SNX9: variants seen among roughly 807,000 people sequenced by gnomAD.
The protein encoded by SNX9 is sorting nexin-9.
Under a neutral mutation model 89.4 loss-of-function variants are expected in SNX9, and 44 were observed. The ratio of observed to expected loss-of-function variants is 0.49; its 90% confidence interval spans 0.39 to 0.63. SNX9 has a LOEUF of 0.63. Ranked by LOEUF, SNX9 falls within the 30% of genes least tolerant of loss-of-function variation. The probability of loss-of-function intolerance (pLI) is 0.00; values close to 1 mark genes in which losing one functional copy is unlikely to be tolerated. For missense variants in SNX9, 578 were observed against 736.1 expected (o/e 0.79, Z 2.49); for synonymous variants, 236 against 247.8 (o/e 0.95, Z 0.45).
chr6:157,896,970 C>T lies in SNX9; in HGVS notation c.444C>T (p.Phe148=), dbSNP rs144271439. ...TNTPNNWDTA[F]GHPQAYQGPA... ...CTCCCAACAACTGGGACACTGCCTTCGGCCACCCCCAGGCCTACCAAGGAC... is the reference window on the plus strand; with the variant it reads ...CTCCCAACAACTGGGACACTGCCTTTGGCCACCCCCAGGCCTACCAAGGAC... Residue 148 remains phenylalanine, a synonymous_variant, in exon 5 of 18, where the codon TTC becomes TTT. Coordinates refer to ENST00000392185, the MANE Select transcript of SNX9 (RefSeq NM_016224.5). 515 of 1,609,846 alleles carry T rather than the reference C, an allele frequency of 3.2e-4. 3 individuals are homozygous for T. In the East Asian group the frequency reaches 9.5e-3, roughly 30 times the overall value.
chr6:157,936,496 G>C lies in SNX9; in HGVS notation c.1443+456G>C, dbSNP rs558676060. Among the ~76,000 whole-genome samples the C allele has an allele frequency of 2.0e-5, 3 of 152,242 alleles. No homozygotes were observed. In the East Asian group the frequency reaches 5.8e-4, roughly 29 times the overall value. Reference sequence around the variant, plus strand: ...TGCACTCCAGCCTGGGTGACAGAGCGAGACCCTATCTCAGAAGAAAAAAAG... The same window carrying C: ...TGCACTCCAGCCTGGGTGACAGAGCCAGACCCTATCTCAGAAGAAAAAAAG... On this transcript the variant is annotated intron_variant, in intron 14 of 17. Transcript: ENST00000392185.
At chr6:157,853,217 G>A (rs778613268) in intron 1 of SNX9, among the ~76,000 whole-genome samples, 9 of 151,648 alleles carry the variant, frequency 5.9e-5, no homozygotes, top group Non-Finnish European at 1.2e-4. Context: ...GTTTTTGCTG[G>A]GTATAGAATT....
At chr6:157,900,124 A>C (rs1437440604) in intron 5 of SNX9, among the ~76,000 whole-genome samples, 2 of 151,852 alleles carry the variant, frequency 1.3e-5, no homozygotes, top group Non-Finnish European at 2.9e-5. Flanking sequence ...CCACCTTTCT[A>C]CTTTCTGCTT....
chr6:157,903,800 C>T (rs907590066), intron 6 of SNX9, among the ~76,000 whole-genome samples: 1 of 152,116 alleles, frequency 6.6e-6, no homozygotes, highest in African/African-American at 2.4e-5. Flanking sequence ...ACCTCAGTTT[C>T]TTCATCTCGA....
At chr6:157,857,577 C>T (rs1381665352) in intron 1 of SNX9, among the ~76,000 whole-genome samples, 1 of 151,096 alleles carries the variant, frequency 6.6e-6, no homozygotes, top group East Asian at 1.9e-4. Context: ...AAAATGCCAT[C>T]TTTATCATGT....
intron 10 of SNX9, among the ~76,000 whole-genome samples, chr6:157,923,437 AAT>A (rs1491060525): frequency 6.6e-6 from 1 of 152,150 alleles, no homozygotes; most frequent in African/African-American, 2.4e-5. Flanking sequence ...CTAAAAAAAA[AAT>A]AACCTGTCAT....
intron 6 of SNX9, among the ~76,000 whole-genome samples, chr6:157,905,264 G>C (rs1783186758): frequency 6.6e-6 from 1 of 152,180 alleles, no homozygotes; most frequent in African/African-American, 2.4e-5. Flanking sequence ...CATCACACTG[G>C]CCTTTGGCTT....
At chr6:157,926,823 T>G (rs536965425) in intron 10 of SNX9, among the ~76,000 whole-genome samples, 2 of 151,502 alleles carry the variant, frequency 1.3e-5, no homozygotes, top group South Asian at 2.1e-4. Flanking sequence ...TGTTTCTGTT[T>G]GCTGTTTTTA....
chr6:157,838,452 G>A (rs555733209), intron 1 of SNX9, among the ~76,000 whole-genome samples: 48 of 152,086 alleles, frequency 3.2e-4, no homozygotes, highest in Non-Finnish European at 5.1e-4. Context: ...TTAGGTGTAC[G>A]GTTGCTGTGG....
intron 10 of SNX9, among the ~76,000 whole-genome samples, chr6:157,925,244 T>TGGAAGGTGGA (rs1783666793): frequency 6.6e-6 from 1 of 152,196 alleles, no homozygotes; most frequent in African/African-American, 2.4e-5. Flanking sequence ...AACAGATGTG[T>TGGAAGGTGGA]AGAAAAGTAC....
chr6:157,911,250 A>T (rs1783337067), intron 9 of SNX9, among the ~76,000 whole-genome samples: 1 of 152,186 alleles, frequency 6.6e-6, no homozygotes. Context: ...TTGTGAGAGG[A>T]GGTCTTCAAA....
chr6:157,925,082 C>G (rs1334343164), intron 10 of SNX9, among the ~76,000 whole-genome samples: 1 of 152,046 alleles, frequency 6.6e-6, no homozygotes, highest in African/African-American at 2.4e-5. Flanking sequence ...TCAGCCATGA[C>G]AAGCGAAAAA....
At chr6:157,848,667 G>A (rs554768949) in intron 1 of SNX9, among the ~76,000 whole-genome samples, 6 of 152,334 alleles carry the variant, frequency 3.9e-5, no homozygotes, top group Admixed American at 2.0e-4. Context: ...GGCAGATGCC[G>A]TGCTACCTGG....
At chr6:157,895,526 G>A (rs917627144) in intron 4 of SNX9, among the ~76,000 whole-genome samples, 21 of 152,076 alleles carry the variant, frequency 1.4e-4, no homozygotes, top group African/African-American at 5.1e-4. Context: ...TGGTCAAGTT[G>A]TAGGAAATAT....
intron 7 of SNX9, among the ~76,000 whole-genome samples, chr6:157,908,179 C>A (rs1488065453): frequency 1.3e-5 from 2 of 151,594 alleles, no homozygotes; most frequent in Non-Finnish European, 2.9e-5. Flanking sequence ...CGAAACAAAT[C>A]TCTCTTCCTT....
chr6:157,831,176 C>T (rs1781471773), intron 1 of SNX9, among the ~76,000 whole-genome samples: 1 of 152,150 alleles, frequency 6.6e-6, no homozygotes, highest in South Asian at 2.1e-4. Flanking sequence ...TCTGCACATT[C>T]TCACTCATGG....
chr6:157,938,352 C>G (rs1783967799), intron 15 of SNX9, among the ~76,000 whole-genome samples: 1 of 152,198 alleles, frequency 6.6e-6, no homozygotes, highest in Admixed American at 6.5e-5. Flanking sequence ...ATGGCAGCGG[C>G]TTCTGAATAT....
intron 2 of SNX9, among the ~76,000 whole-genome samples, chr6:157,869,831 C>G (rs1188060195): frequency 6.6e-6 from 1 of 152,030 alleles, no homozygotes; most frequent in East Asian, 1.9e-4. Flanking sequence ...CTCACGCACT[C>G]TCTCACATTA....
intron 17 of SNX9, among the ~76,000 whole-genome samples, chr6:157,941,804 T>C (rs186544394): frequency 6.6e-6 from 1 of 152,316 alleles, no homozygotes; most frequent in East Asian, 1.9e-4. Flanking sequence ...TGCATATTTG[T>C]GAATTGTGTC....
Sources: gnomAD v4.1 joint callset for allele counts (sites outside exome capture counted in the v4.1 genomes callset) on GRCh38, gnomAD v4.1.1 for gene constraint, MANE v1.5 for transcripts, NCBI Gene and HGNC (gene_info 2026-07-23, HGNC 2026-07-21) for gene names.